NCALD: variants seen among roughly 807,000 people sequenced by gnomAD.
NCALD encodes neurocalcin delta.
In NCALD, 10 loss-of-function variants were observed where a neutral mutation model predicts 18.6. The ratio of observed to expected loss-of-function variants is 0.54; its 90% CI spans 0.33 to 0.91. The LOEUF (loss-of-function observed/expected upper bound fraction) is 0.91. Ranked by LOEUF, NCALD falls within the 40% of genes least tolerant of loss-of-function variation. The pLI is 0.03. For synonymous variants in NCALD, 88 were observed against 87.4 expected (o/e 1.01, Z -0.04); for missense variants, 184 against 247.6 (o/e 0.74, Z 1.72).
At position 102,107,454 on chromosome 8, in the gene NCALD, G is replaced by A. The variant is rs574163103; in HGVS notation, c.-210+16783C>T. On this transcript the variant is annotated intron_variant, in intron 1 of 6. Transcript: ENST00000311028. ...TCAAGGCCTTTCCCCCACCCTTCTG[G>A]TAAAATCAAGGTATGAACTTTTTAG... 2.0e-5 allele frequency among the ~76,000 whole-genome samples: 3 copies of A among 151,942 alleles called. No homozygotes were observed. In the South Asian group the frequency reaches 6.2e-4, roughly 32 times the overall value.
chr8:101,975,377 C>A (rs1820383809), intron 2 of NCALD: 2 of 152,178 alleles, frequency 1.3e-5, no homozygotes, highest in South Asian at 2.1e-4. Context: ...CTAAGCCCCA[C>A]CCCCGGAGAT....
chr8:102,057,257 TACACACAC>T (rs3085988), intron 1 of NCALD, among the ~76,000 whole-genome samples: 36 of 147,772 alleles, frequency 2.4e-4, no homozygotes, highest in African/African-American at 7.8e-4. Flanking sequence ...GGCTAGTTCA[TACACACAC>T]ACACACACAC....
intron 1 of NCALD, among the ~76,000 whole-genome samples, chr8:101,747,688 C>T (rs1284411947): frequency 6.6e-6 from 1 of 151,948 alleles, no homozygotes; most frequent in East Asian, 1.9e-4. Flanking sequence ...TTCCAGGGTT[C>T]CCTTTTTACA....
At chr8:101,909,931 G>C (rs957397752) in intron 3 of NCALD, among the ~76,000 whole-genome samples, 5 of 152,176 alleles carry the variant, frequency 3.3e-5, no homozygotes, top group African/African-American at 9.7e-5. Context: ...TTTAAGGGAG[G>C]CTGGACAAGG....
intron 4 of NCALD, among the ~76,000 whole-genome samples, chr8:101,855,905 T>C (rs1392579853): frequency 1.3e-5 from 2 of 152,196 alleles, no homozygotes; most frequent in African/African-American, 4.8e-5. Context: ...GTCTTAGTAA[T>C]CATTTTCCCT....
intron 1 of NCALD, among the ~76,000 whole-genome samples, chr8:101,785,410 A>C (rs1812185175): frequency 6.6e-6 from 1 of 152,206 alleles, no homozygotes; most frequent in South Asian, 2.1e-4. Context: ...AATATTATTC[A>C]CATAAGAAAA....
At chr8:101,872,484 G>T (rs1816060438) in intron 4 of NCALD, 2 of 830,090 alleles carry the variant, frequency 2.4e-6, no homozygotes, top group African/African-American at 1.7e-5. Flanking sequence ...TACTTTCCTT[G>T]GTGGGTAAGA....
intron 1 of NCALD, among the ~76,000 whole-genome samples, chr8:102,093,782 C>T (rs780982143): frequency 3.3e-5 from 5 of 152,152 alleles, no homozygotes; most frequent in Non-Finnish European, 7.4e-5. Context: ...TTTCTAAGAG[C>T]AAATAAAACA....
At chr8:101,896,017 T>G (rs979859829) in intron 3 of NCALD, among the ~76,000 whole-genome samples, 8 of 151,028 alleles carry the variant, frequency 5.3e-5, no homozygotes, top group Admixed American at 2.6e-4. Context: ...AAAACTACTT[T>G]AAAGTTCATA....
intron 4 of NCALD, among the ~76,000 whole-genome samples, chr8:101,848,476 C>T (rs978299888): frequency 1.3e-5 from 2 of 152,120 alleles, no homozygotes; most frequent in African/African-American, 4.8e-5. Context: ...TCAGAAGATC[C>T]ATATCCAAGA....
At chr8:101,866,056 G>C (rs981550741) in intron 4 of NCALD, among the ~76,000 whole-genome samples, 1 of 152,176 alleles carries the variant, frequency 6.6e-6, no homozygotes, top group Non-Finnish European at 1.5e-5. Flanking sequence ...GGCTAGAGTT[G>C]TTGAAGGAGC....
Position 101,749,032 on chromosome 8 carries a change from G to T in NCALD, c.-19-29384C>A, listed in dbSNP as rs535714904. ...GTGTGTGTGTTTTCCATATGTAATT[G>T]TGCAGCAGCATCTTGTCAGTTTCAT... On this transcript the variant is annotated intron_variant, in intron 1 of 3. Transcript: ENST00000220931. 2.6e-5 allele frequency among the ~76,000 whole-genome samples: 4 copies of T among 152,276 alleles called. No individual in the cohort carries two copies. The South Asian group carries it at 8.3e-4, about 32-fold the overall frequency.
intron 1 of NCALD, among the ~76,000 whole-genome samples, chr8:101,754,920 T>C (rs1188922024): frequency 2.0e-5 from 3 of 152,204 alleles, no homozygotes; most frequent in African/African-American, 7.2e-5. Context: ...AAATGGATGT[T>C]CCAAGAGATT....
At chr8:101,954,201 A>T (rs1482810522) in intron 2 of NCALD, among the ~76,000 whole-genome samples, 2 of 152,178 alleles carry the variant, frequency 1.3e-5, no homozygotes, top group Non-Finnish European at 2.9e-5. Context: ...TCTCTTACTC[A>T]TCCATATTTT....
intron 2 of NCALD, among the ~76,000 whole-genome samples, chr8:101,962,414 A>G (rs376854582): frequency 1.3e-5 from 2 of 152,302 alleles, no homozygotes; most frequent in East Asian, 3.9e-4. Context: ...TGCTAAAGCC[A>G]TTCAAGCCAA....
intron 1 of NCALD, among the ~76,000 whole-genome samples, chr8:102,031,994 T>C (rs1324853959): frequency 6.6e-6 from 1 of 152,140 alleles, no homozygotes; most frequent in Non-Finnish European, 1.5e-5. Context: ...ATTTTCTCTC[T>C]CTGAGTAACA....
chr8:101,947,935 A>G (rs1395076874), intron 2 of NCALD, among the ~76,000 whole-genome samples: 2 of 152,232 alleles, frequency 1.3e-5, no homozygotes, highest in Non-Finnish European at 2.9e-5. Flanking sequence ...AGAAGTTTAC[A>G]ATGGCTGTAG....
chr8:101,972,906 T>C (rs140626233), intron 2 of NCALD, among the ~76,000 whole-genome samples: 2,675 of 152,216 alleles, frequency 0.018, 28 homozygotes, highest in South Asian at 0.03. Flanking sequence ...AAACAGTTTG[T>C]TCATTTGCAG....
intron 4 of NCALD, among the ~76,000 whole-genome samples, chr8:101,878,979 G>T (rs961084408): frequency 6.6e-6 from 1 of 152,204 alleles, no homozygotes. Context: ...TGTGGTCTAC[G>T]GATCAGTCTT....
Sources: gnomAD v4.1 joint callset for allele counts (sites outside exome capture counted in the v4.1 genomes callset) on GRCh38, gnomAD v4.1.1 for gene constraint, MANE v1.5 for transcripts, NCBI Gene and HGNC (gene_info 2026-07-23, HGNC 2026-07-21) for gene names.